The following UGT1A8 variants were observed in gnomAD, a reference collection of about 807,000 sequenced individuals.
UGT1A8 encodes the protein UDP-glucuronosyltransferase 1A8.
Under a neutral mutation model 45.3 loss-of-function variants are expected in UGT1A8, and 39 were observed. The ratio of observed to expected loss-of-function variants is 0.86; its 90% CI spans 0.67 to 1.12. The LOEUF is 1.12. Ranked by LOEUF, UGT1A8 falls within the 50% of genes most tolerant of loss-of-function variation. The probability of loss-of-function intolerance (pLI) is 0.00; values close to 1 mark genes in which losing one functional copy is unlikely to be tolerated. For missense variants in UGT1A8, 719 were observed against 664.9 expected (o/e 1.08, Z -0.90); for synonymous variants, 275 against 249.2 (o/e 1.10, Z -0.97).
At chr2:233,701,728 C>G (rs1007871533) in intron 1 of UGT1A8, among the ~76,000 whole-genome samples, 2 of 152,192 alleles carry the variant, frequency 1.3e-5, no homozygotes, top group Non-Finnish European at 2.9e-5. Context: ...ACTGAACAAC[C>G]TGCTCCTGAA....
chr2:233,645,522 A>G (rs1390104841), intron 1 of UGT1A8, among the ~76,000 whole-genome samples: 3 of 152,236 alleles, frequency 2.0e-5, no homozygotes, highest in Non-Finnish European at 4.4e-5. Flanking sequence ...GTTACTTCCT[A>G]GACACAATGA....
chr2:233,717,190 G>A (rs932422253), intron 1 of UGT1A8, among the ~76,000 whole-genome samples: 1 of 152,160 alleles, frequency 6.6e-6, no homozygotes, highest in African/African-American at 2.4e-5. Flanking sequence ...ACCCTCCCAG[G>A]CATGTTCCAC....
intron 1 of UGT1A8, among the ~76,000 whole-genome samples, chr2:233,625,597 A>G (rs1022374897): frequency 2.0e-5 from 3 of 151,852 alleles, no homozygotes; most frequent in African/African-American, 7.3e-5. Flanking sequence ...TACACCATGG[A>G]ATATGCAGTC....
At chr2:233,675,345 C>T (rs1015378798) in intron 1 of UGT1A8, among the ~76,000 whole-genome samples, 2 of 152,146 alleles carry the variant, frequency 1.3e-5, no homozygotes, top group Non-Finnish European at 2.9e-5. Context: ...TTCAGCAGAA[C>T]ATTGAAATAG....
At chr2:233,647,956 A>T (rs2073644099) in intron 1 of UGT1A8, 4 of 1,607,242 alleles carry the variant, frequency 2.5e-6, no homozygotes, top group Non-Finnish European at 3.4e-6. Flanking sequence ...CTGGTTCACC[A>T]TGTGGTCGGT....
At chr2:233,728,557 A>T (rs190814480) in intron 1 of UGT1A8, among the ~76,000 whole-genome samples, 41 of 152,308 alleles carry the variant, frequency 2.7e-4, no homozygotes, top group African/African-American at 9.6e-4. Context: ...TGATCCTTAC[A>T]AGAAATATCC....
intron 1 of UGT1A8, among the ~76,000 whole-genome samples, chr2:233,715,001 C>G (rs1309641293): frequency 6.6e-6 from 1 of 152,178 alleles, no homozygotes; most frequent in Admixed American, 6.5e-5. Context: ...CTCAGCCTCC[C>G]AAGTAGCTGG....
intron 1 of UGT1A8, among the ~76,000 whole-genome samples, chr2:233,735,842 C>G (rs2078702180): frequency 6.6e-6 from 1 of 152,078 alleles, no homozygotes; most frequent in Non-Finnish European, 1.5e-5. Flanking sequence ...TTGGCCCCCA[C>G]TCTCTTCTGT....
intron 1 of UGT1A8, among the ~76,000 whole-genome samples, chr2:233,669,590 C>A (rs2074140608): frequency 6.6e-6 from 1 of 151,968 alleles, no homozygotes; most frequent in Non-Finnish European, 1.5e-5. Context: ...TTCAATTGTT[C>A]ATTGCTAGTA....
At position 233,654,616 on chromosome 2, in the gene UGT1A8, A is replaced by T. The variant is rs2073814456; in HGVS notation, c.855+36054A>T. Among the ~76,000 whole-genome samples, 3 of 152,238 alleles carry T rather than the reference A, an allele frequency of 2.0e-5. No individual in the cohort carries two copies. In the South Asian group the frequency reaches 6.2e-4, roughly 32 times the overall value. On this transcript the variant is annotated intron_variant, in intron 1 of 4. Transcript: ENST00000373450. ...AAATGAAATAAACCACAGCCCTATA[A>T]AATGCAAAACTACTGATGATTGCTT...
intron 1 of UGT1A8, chr2:233,713,356 T>C (rs2125633353): frequency 6.2e-7 from 1 of 1,614,242 alleles, no homozygotes; most frequent in Non-Finnish European, 8.5e-7. Flanking sequence ...AATATGTCTT[T>C]GATCATACAT....
chr2:233,652,424 A>G (rs1416142308), intron 1 of UGT1A8, among the ~76,000 whole-genome samples: 4 of 152,188 alleles, frequency 2.6e-5, no homozygotes, highest in Admixed American at 2.0e-4. Flanking sequence ...AATTTTGGCT[A>G]TAATTTTTTA....
chr2:233,637,520 C>T (rs1000259432), intron 1 of UGT1A8: 5 of 1,431,204 alleles, frequency 3.5e-6, no homozygotes, highest in Non-Finnish European at 4.6e-6. Flanking sequence ...TGTGCGAATT[C>T]ATGTACTCAT....
At chr2:233,731,876 G>A (rs2078215412) in intron 1 of UGT1A8, among the ~76,000 whole-genome samples, 1 of 152,166 alleles carries the variant, frequency 6.6e-6, no homozygotes, top group Non-Finnish European at 1.5e-5. Context: ...TTCCACAATG[G>A]TTGAACTAAT....
chr2:233,751,777 A>C (rs1694808291), intron 1 of UGT1A8, among the ~76,000 whole-genome samples: 1 of 152,126 alleles, frequency 6.6e-6, no homozygotes, highest in South Asian at 2.1e-4. Flanking sequence ...GACTTTGCTT[A>C]TCTCTCACCT....
At chr2:233,695,044 T>C (rs545239838) in intron 1 of UGT1A8, among the ~76,000 whole-genome samples, 1 of 152,338 alleles carries the variant, frequency 6.6e-6, no homozygotes, top group African/African-American at 2.4e-5. Context: ...TTGTTAACCA[T>C]AGTCACCCTA....
chr2:233,729,934 A>G (rs45449995), intron 1 of UGT1A8: 47,426 of 1,614,076 alleles, frequency 0.029, 771 homozygotes, highest in African/African-American at 0.049. Context: ...CAGGCCAATC[A>G]TGCCCAACAT....
intron 1 of UGT1A8, among the ~76,000 whole-genome samples, chr2:233,700,769 C>T (rs984104933): frequency 2.6e-5 from 4 of 151,824 alleles, no homozygotes; most frequent in South Asian, 4.2e-4. Context: ...ATGTGCACAA[C>T]GTACAGGTTT....
intron 1 of UGT1A8, among the ~76,000 whole-genome samples, chr2:233,710,566 G>C (rs1422927830): frequency 6.6e-6 from 1 of 152,066 alleles, no homozygotes; most frequent in Admixed American, 6.5e-5. Flanking sequence ...CTTTTAAAAG[G>C]TGCCCTTTCA....
Sources: gnomAD v4.1 joint callset for allele counts (sites outside exome capture counted in the v4.1 genomes callset) on GRCh38, gnomAD v4.1.1 for gene constraint, MANE v1.5 for transcripts, NCBI Gene and HGNC (gene_info 2026-07-23, HGNC 2026-07-21) for gene names.